SLC4A4: variants seen among roughly 807,000 people sequenced by gnomAD.
SLC4A4 encodes the protein solute carrier family 4 member 4.
SLC4A4 carries 27 observed loss-of-function variants against 111.5 expected under a neutral mutation model. The observed-to-expected ratio is 0.24, with a 90% CI of 0.18 to 0.33. SLC4A4 has a LOEUF of 0.33. Ranked by LOEUF, SLC4A4 falls within the 10% of genes least tolerant of loss-of-function variation. The pLI is 1.00. For missense variants in SLC4A4, 909 were observed against 1,315.5 expected, an observed-to-expected ratio of 0.69 and a Z score of 4.78; for synonymous variants, 443 against 463.4, an observed-to-expected ratio of 0.96 and a Z score of 0.57.
At chr4:71,186,386 C>G (rs1010267039), upstream of SLC4A4, among the ~76,000 whole-genome samples, 1 of 152,208 alleles carries the variant, frequency 6.6e-6, no homozygotes, top group African/African-American at 2.4e-5. Context: ...CAAGAGTGAT[C>G]TGAGCTGGGA....
At chr4:71,164,364 A>C (rs1744685835) in intron 2 of SLC4A4, among the ~76,000 whole-genome samples, 1 of 145,830 alleles carries the variant, frequency 6.9e-6, no homozygotes, top group Admixed American at 7.0e-5. Flanking sequence ...TGGGGAACAG[A>C]GGGAGACTCT....
At chr4:71,158,951 T>A (rs892690894) in intron 2 of SLC4A4, among the ~76,000 whole-genome samples, 2 of 152,348 alleles carry the variant, frequency 1.3e-5, no homozygotes, top group East Asian at 1.9e-4. Flanking sequence ...AGTCTTTTTG[T>A]CCATGAAATA....
intron 15 of SLC4A4, among the ~76,000 whole-genome samples, chr4:71,495,546 T>C (rs146169541): frequency 2.0e-5 from 3 of 152,216 alleles, no homozygotes; most frequent in East Asian, 1.9e-4. Flanking sequence ...AGGAAAAATA[T>C]TTCAGGGAAA....
chr4:71,094,354 C>T (rs574552268), intron 2 of SLC4A4, among the ~76,000 whole-genome samples: 21 of 152,320 alleles, frequency 1.4e-4, no homozygotes, highest in African/African-American at 5.1e-4. Context: ...AGAGCTTCTC[C>T]AGAGTAGAGT....
chr4:71,064,837 C>T (rs895715912), intron 1 of SLC4A4, among the ~76,000 whole-genome samples: 4 of 152,150 alleles, frequency 2.6e-5, no homozygotes, highest in South Asian at 4.1e-4. Flanking sequence ...GCTATCTAAT[C>T]GTAGACGAGT....
At chr4:71,557,986 T>A in intron 22 of SLC4A4, 101 bp downstream of exon 22, 1 of 1,035,392 alleles carries the variant, frequency 9.7e-7, no homozygotes, top group Non-Finnish European at 1.5e-6. Context: ...TTGTTCCAAA[T>A]TTTTCCAGCT....
intron 13 of SLC4A4, among the ~76,000 whole-genome samples, chr4:71,472,277 C>T (rs944622085): frequency 7.9e-5 from 12 of 151,694 alleles, no homozygotes; most frequent in African/African-American, 2.9e-4. Flanking sequence ...CTCAGTAGAC[C>T]GTGATGACAT....
At chr4:71,150,451 A>C (rs1744285286) in intron 2 of SLC4A4, among the ~76,000 whole-genome samples, 1 of 152,154 alleles carries the variant, frequency 6.6e-6, no homozygotes, top group East Asian at 1.9e-4. Context: ...TGATTCCCTC[A>C]TGTGCAGAGA....
In SLC4A4 at chr4:71,453,573, T is replaced by A; in HGVS notation, c.1401T>A (p.Ile467=). 6.2e-7 allele frequency: 1 copy of A among 1,614,004 alleles called. No homozygotes were observed. Residue 467 remains isoleucine, a synonymous_variant, in exon 12 of 26, where the codon ATT becomes ATA. Coordinates refer to ENST00000264485, the MANE Select transcript of SLC4A4 (RefSeq NM_001098484.3). ...GTGATTTTTATGATGCTTTAAATAT[T>A]CAAGCTCTTTCGGCAATTCTCTTCA... ...FASDFYDALN[I]QALSAILFIY...
At chr4:71,308,493 G>A (rs1458925120) in intron 3 of SLC4A4, among the ~76,000 whole-genome samples, 3 of 152,088 alleles carry the variant, frequency 2.0e-5, no homozygotes, top group East Asian at 1.9e-4. Flanking sequence ...TGCAGAAGGC[G>A]GGTGATTGCT....
intron 1 of SLC4A4, among the ~76,000 whole-genome samples, chr4:71,206,403 C>T (rs1207002078): frequency 6.6e-6 from 1 of 152,066 alleles, no homozygotes; most frequent in Non-Finnish European, 1.5e-5. Context: ...TCACAGTTTT[C>T]AACAGATTTC....
intron 2 of SLC4A4, among the ~76,000 whole-genome samples, chr4:71,102,208 G>A (rs1338671619): frequency 4.0e-5 from 6 of 150,090 alleles, no homozygotes; most frequent in Middle Eastern, 3.5e-3. Flanking sequence ...AAGCGAGAAG[G>A]GAAGTTTAGA....
At chr4:71,454,587 T>G (rs1322205792) in intron 12 of SLC4A4, among the ~76,000 whole-genome samples, 1 of 152,126 alleles carries the variant, frequency 6.6e-6, no homozygotes, top group Non-Finnish European at 1.5e-5. Flanking sequence ...AGGATTGCTG[T>G]TTTTCTACTT....
Position 71,119,464 on chromosome 4 carries a change from C to T in SLC4A4, c.-2+26672C>T, listed in dbSNP as rs138525929. Among the ~76,000 whole-genome samples the T allele has an allele frequency of 4.6e-3, 700 of 152,184 alleles. 4 individuals carry two copies. Among genetic ancestry groups the T allele is most frequent in the African/African-American group, 0.016 (645 of 41,510 alleles). Reference sequence around the variant, plus strand: ...TGGCACAATCATGGCTCACGGCAGCCTCAAACTCCTAGGTTCAAATGATCC... The same window carrying T: ...TGGCACAATCATGGCTCACGGCAGCTTCAAACTCCTAGGTTCAAATGATCC... On this transcript the variant is annotated intron_variant, in intron 2 of 26. Coordinates refer to the SLC4A4 transcript ENST00000649996.
intron 7 of SLC4A4, among the ~76,000 whole-genome samples, chr4:71,422,996 G>C (rs1480069931): frequency 1.3e-5 from 2 of 152,112 alleles, no homozygotes; most frequent in African/African-American, 4.8e-5. Flanking sequence ...AGGGCAATTA[G>C]GCAGGAGAAG....
At chr4:71,312,813 A>G (rs537561767) in intron 3 of SLC4A4, among the ~76,000 whole-genome samples, 28 of 152,356 alleles carry the variant, frequency 1.8e-4, no homozygotes, top group African/African-American at 6.5e-4. Flanking sequence ...CATAGCCAGT[A>G]TCATACTGAA....
At chr4:71,087,770 CTGTT>C (rs1478931502) in intron 1 of SLC4A4, among the ~76,000 whole-genome samples, 1 of 152,132 alleles carries the variant, frequency 6.6e-6, no homozygotes, top group African/African-American at 2.4e-5. Context: ...GTCTGAGAGA[CTGTT>C]TGTTATAATT....
At chr4:71,541,591 T>C (rs1485666238) in intron 18 of SLC4A4, among the ~76,000 whole-genome samples, 2 of 152,098 alleles carry the variant, frequency 1.3e-5, no homozygotes, top group East Asian at 1.9e-4. Flanking sequence ...AGGGAGGCTT[T>C]GTATTGCTCG....
At chr4:71,344,073 A>G (rs1390069443) in intron 4 of SLC4A4, among the ~76,000 whole-genome samples, 1 of 152,018 alleles carries the variant, frequency 6.6e-6, no homozygotes, top group Non-Finnish European at 1.5e-5. Flanking sequence ...AGCACCTGTC[A>G]TCATTTAGCA....
Sources: gnomAD v4.1 joint callset for allele counts (sites outside exome capture counted in the v4.1 genomes callset) on GRCh38, gnomAD v4.1.1 for gene constraint, MANE v1.5 for transcripts, NCBI Gene and HGNC (gene_info 2026-07-23, HGNC 2026-07-21) for gene names.